BCAS3: variants seen among roughly 807,000 people sequenced by gnomAD.
BCAS3 encodes BCAS3 microtubule associated cell migration factor, also known as BCAS4/BCAS3 fusion.
Under a neutral mutation model 116.1 loss-of-function variants are expected in BCAS3, and 53 were observed. The ratio of observed to expected loss-of-function variants is 0.46; its 90% confidence interval spans 0.37 to 0.57. The LOEUF is 0.57. BCAS3 is among the 20% of genes least tolerant of loss of function. BCAS3 has a pLI of 0.00. For missense variants in BCAS3, 917 were observed against 1,165.4 expected (o/e 0.79, Z 3.10); for synonymous variants, 391 against 408.2 (o/e 0.96, Z 0.51).
chr17:61,109,289 G>A (rs1398842282), intron 22 of BCAS3, among the ~76,000 whole-genome samples: 1 of 150,958 alleles, frequency 6.6e-6, no homozygotes, highest in Non-Finnish European at 1.5e-5. Context: ...CCATTTGTGT[G>A]TGTGTGTGTG....
chr17:60,997,669 C>T (rs1479266617), intron 15 of BCAS3, among the ~76,000 whole-genome samples: 1 of 152,098 alleles, frequency 6.6e-6, no homozygotes, highest in African/African-American at 2.4e-5. Context: ...GCTTCAATAC[C>T]ATGTTTCTAC....
chr17:60,976,231 A>G (rs575359007), intron 14 of BCAS3, among the ~76,000 whole-genome samples: 45 of 151,002 alleles, frequency 3.0e-4, no homozygotes, highest in African/African-American at 1.1e-3. Context: ...TCACCGTGTT[A>G]GCCAGGATGG....
chr17:60,812,734 T>C (rs1170290447), intron 7 of BCAS3, among the ~76,000 whole-genome samples: 2 of 151,942 alleles, frequency 1.3e-5, no homozygotes, highest in East Asian at 3.9e-4. Context: ...ACAATTAAGT[T>C]TGTGTGTTCA....
chr17:61,334,405 G>A (rs1331348891), intron 22 of BCAS3, among the ~76,000 whole-genome samples: 3 of 152,082 alleles, frequency 2.0e-5, no homozygotes, highest in Non-Finnish European at 4.4e-5. Context: ...GGTGGCTCAC[G>A]CCTGTAATCC....
rs1005040320 is a variant in BCAS3, at chr17:61,007,410, G to C, written c.1487-8341G>C. ...TAGGCATCAAATTTCTAAATTTATTGGGTTTATTTTAGCTTTAAGAAAAGA... is the reference window on the plus strand; with the variant it reads ...TAGGCATCAAATTTCTAAATTTATTCGGTTTATTTTAGCTTTAAGAAAAGA... On this transcript the variant is annotated intron_variant, in intron 15 of 23. Transcript: ENST00000407086. This position sits in a 1 kb window ranked among gnomAD's most constrained non-coding sequence, Gnocchi z 4.3. Among the ~76,000 whole-genome samples, 1 of 151,722 alleles carries C rather than the reference G, an allele frequency of 6.6e-6. No individual in the cohort carries two copies. The highest frequency in any genetic ancestry group is 1.5e-5 in the Non-Finnish European group (1 of 67,916).
chr17:61,072,676 CAAAA>C (rs75914013), intron 19 of BCAS3, among the ~76,000 whole-genome samples: 4 of 102,368 alleles, frequency 3.9e-5, no homozygotes, highest in African/African-American at 3.1e-5. Context: ...GCTTTATTAC[CAAAA>C]AAAAAAAAAA....
intron 14 of BCAS3, among the ~76,000 whole-genome samples, chr17:60,988,360 T>TTTTTTTTTTTTTTTTTTG (rs1555651709): frequency 1.5e-4 from 20 of 134,806 alleles, no homozygotes; most frequent in African/African-American, 6.4e-4. Context: ...TTTTTTTTTT[T>TTTTTTTTTTTTTTTTTTG]ATGTATGTGT....
At chr17:61,003,819 T>C (rs924379215) in intron 15 of BCAS3, 12 of 152,164 alleles carry the variant, frequency 7.9e-5, no homozygotes, top group Admixed American at 6.5e-4. Context: ...AAATCAATAC[T>C]AAGGAACTGA....
At chr17:60,945,391 G>T (rs1018114679) in intron 13 of BCAS3, among the ~76,000 whole-genome samples, 1 of 152,154 alleles carries the variant, frequency 6.6e-6, no homozygotes, top group Non-Finnish European at 1.5e-5. Context: ...GTTGAAAAAG[G>T]CAGGAAAAGG....
At position 61,097,500 on chromosome 17, in the gene BCAS3, G is replaced by C. The variant is rs898741050; in HGVS notation, c.2425+12936G>C. On this transcript the variant is annotated intron_variant, in intron 22 of 23. Coordinates refer to ENST00000407086, the MANE Select transcript of BCAS3 (RefSeq NM_017679.5). The surrounding 1 kb of genome is among the most constrained non-coding windows in gnomAD (Gnocchi z 4.0). ...TTTCTTAGGTTTATATTTAAGTGATGGTTTGGACTTTTGATAAAAAGAGAA... is the reference window on the plus strand; with the variant it reads ...TTTCTTAGGTTTATATTTAAGTGATCGTTTGGACTTTTGATAAAAAGAGAA... Among the ~76,000 whole-genome samples the C allele has an allele frequency of 2.0e-5, 3 of 152,098 alleles. No individual in the cohort carries two copies. The highest frequency in any genetic ancestry group is 2.9e-5 in the Non-Finnish European group (2 of 68,034).
At chr17:60,749,744 CCTTTCTT>C (rs2144273961) in intron 6 of BCAS3, among the ~76,000 whole-genome samples, 1 of 152,212 alleles carries the variant, frequency 6.6e-6, no homozygotes, top group South Asian at 2.1e-4. Context: ...TCTTTCCCTC[CCTTTCTT>C]CTTTCTTGGT....
chr17:60,893,464 A>T (rs968150075), intron 10 of BCAS3, among the ~76,000 whole-genome samples: 16 of 151,796 alleles, frequency 1.1e-4, no homozygotes, highest in Non-Finnish European at 8.8e-5. Context: ...TGACTAGCCA[A>T]TTTTCCCAGC....
intron 6 of BCAS3, among the ~76,000 whole-genome samples, chr17:60,807,609 C>G (rs2048396838): frequency 6.6e-6 from 1 of 152,060 alleles, no homozygotes; most frequent in African/African-American, 2.4e-5. Context: ...TGGCGAAACC[C>G]TGTCTCTACT....
intron 23 of BCAS3, among the ~76,000 whole-genome samples, chr17:61,370,562 C>T (rs1027935427): frequency 1.3e-5 from 2 of 152,078 alleles, no homozygotes; most frequent in Non-Finnish European, 2.9e-5. Context: ...CTAATTTTTG[C>T]GTTTATGATA....
Position 61,281,809 on chromosome 17 carries a change from T to C in BCAS3, c.2426-86518T>C, listed in dbSNP as rs1381474772. ...ATTTTATGTGTTTATCAATAATTTC[T>C]GGGGTTTGTATCATATTAAGTATAG... On this transcript the variant is annotated intron_variant, in intron 22 of 23. Coordinates refer to ENST00000407086, the MANE Select transcript of BCAS3 (RefSeq NM_017679.5). The surrounding 1 kb of genome is among the most constrained non-coding windows in gnomAD (Gnocchi z 4.2). 6.6e-6 allele frequency among the ~76,000 whole-genome samples: 1 copy of C among 152,168 alleles called. No individual in the cohort carries two copies. Among genetic ancestry groups the C allele is most frequent in the East Asian group, 1.9e-4 (1 of 5,204 alleles).
chr17:61,008,034 G>C lies in BCAS3; in HGVS notation c.1487-7717G>C, dbSNP rs1410434560. Among the ~76,000 whole-genome samples, 2 of 149,510 alleles carry C rather than the reference G, an allele frequency of 1.3e-5. No homozygotes were observed. The highest frequency in any genetic ancestry group is 5.1e-5 in the African/African-American group (2 of 39,212). ...TTATAGTCTTTAAAAATGTGTGTCT[G>C]TGTGTCGACACACACACACACACAC... On this transcript the variant is annotated intron_variant, in intron 15 of 23. Transcript: ENST00000407086. This position sits in a 1 kb window ranked among gnomAD's most constrained non-coding sequence, Gnocchi z 4.6.
At chr17:60,818,605 C>G (rs931490321) in intron 7 of BCAS3, among the ~76,000 whole-genome samples, 1 of 152,102 alleles carries the variant, frequency 6.6e-6, no homozygotes, top group Non-Finnish European at 1.5e-5. Flanking sequence ...GATATTATCT[C>G]CATAGGCAGC....
intron 14 of BCAS3, among the ~76,000 whole-genome samples, chr17:60,985,009 C>CA (rs762586066): frequency 0.099 from 4,846 of 48,900 alleles, 304 homozygotes; most frequent in African/African-American, 0.14. Context: ...GACTCCATCT[C>CA]AAAAAAAAAA....
At chr17:60,980,907 C>T (rs969032078) in intron 14 of BCAS3, among the ~76,000 whole-genome samples, 2 of 152,074 alleles carry the variant, frequency 1.3e-5, no homozygotes, top group Admixed American at 1.3e-4. Context: ...CAGTATGGCT[C>T]ACTGCAGCTT....
Sources: allele counts gnomAD v4.1 joint callset (sites outside exome capture counted in the v4.1 genomes callset), GRCh38; gene constraint gnomAD v4.1.1; non-coding constraint Gnocchi (gnomAD v3.1); transcripts MANE v1.5; gene names NCBI Gene and HGNC (gene_info 2026-07-23, HGNC 2026-07-21).